ARHGAP15: variants seen among roughly 807,000 people sequenced by gnomAD.
The protein encoded by ARHGAP15 is rho GTPase-activating protein 15.
ARHGAP15 carries 51 observed loss-of-function variants against 63.7 expected under a neutral mutation model. The observed-to-expected ratio is 0.80, with a 90% CI of 0.64 to 1.01. ARHGAP15 has a LOEUF of 1.01. Ranked by LOEUF, ARHGAP15 falls within the 50% of genes least tolerant of loss-of-function variation. ARHGAP15 has a pLI of 0.00. For synonymous variants in ARHGAP15, 191 were observed against 193.8 expected, an observed-to-expected ratio of 0.99 and a Z score of 0.12; for missense variants, 560 against 564.6, an observed-to-expected ratio of 0.99 and a Z score of 0.08.
chr2:143,565,559 A>C (rs917208950), intron 11 of ARHGAP15, among the ~76,000 whole-genome samples: 4 of 152,098 alleles, frequency 2.6e-5, no homozygotes, highest in Non-Finnish European at 4.4e-5. Flanking sequence ...AGCAAAGAAA[A>C]CTCAAGCTAT....
At chr2:143,604,401 A>G (rs1697904043) in intron 11 of ARHGAP15, among the ~76,000 whole-genome samples, 1 of 152,198 alleles carries the variant, frequency 6.6e-6, no homozygotes, top group Admixed American at 6.5e-5. Flanking sequence ...AGTCGTCACA[A>G]TTATTCTAAA....
chr2:143,763,618 TATAA>T (rs769400648), intron 13 of ARHGAP15, among the ~76,000 whole-genome samples: 22 of 144,666 alleles, frequency 1.5e-4, no homozygotes, highest in Non-Finnish European at 2.8e-4. Flanking sequence ...ATTGCATATA[TATAA>T]ATAATAAATT....
chr2:143,429,203 AAAG>A (rs955220345), intron 6 of ARHGAP15, among the ~76,000 whole-genome samples: 5 of 149,272 alleles, frequency 3.3e-5, no homozygotes, highest in Admixed American at 1.4e-4. Flanking sequence ...AACACAATAA[AAAG>A]AATGAACATG....
Position 143,432,177 on chromosome 2 carries a change from T to A in ARHGAP15, c.475-3424T>A, listed in dbSNP as rs945881159. ...CAAATTCTACACAATGAAGTATTAT[T>A]CTTAGAAAAAAGAAGTTCTAAAAAA... On this transcript the variant is annotated intron_variant, in intron 6 of 13. Coordinates refer to ENST00000295095, the MANE Select transcript of ARHGAP15 (RefSeq NM_018460.4). Among the ~76,000 whole-genome samples the A allele has an allele frequency of 3.9e-5, 6 of 152,062 alleles. No individual in the cohort carries two copies. The South Asian group carries it at 6.2e-4, about 16-fold the overall frequency.
chr2:143,584,650 A>G (rs989756680), intron 11 of ARHGAP15, among the ~76,000 whole-genome samples: 1 of 152,098 alleles, frequency 6.6e-6, no homozygotes, highest in African/African-American at 2.4e-5. Flanking sequence ...AACAACAACA[A>G]TATAGAAATA....
chr2:143,492,087 G>T (rs1692605851), intron 9 of ARHGAP15, among the ~76,000 whole-genome samples: 1 of 152,072 alleles, frequency 6.6e-6, no homozygotes, highest in Non-Finnish European at 1.5e-5. Context: ...TCACCATGTT[G>T]CCCAGCCTGG....
intron 6 of ARHGAP15, among the ~76,000 whole-genome samples, chr2:143,256,920 A>G (rs1029022153): frequency 3.3e-5 from 5 of 152,142 alleles, no homozygotes; most frequent in African/African-American, 1.2e-4. Flanking sequence ...AGAAACAGAA[A>G]CAAGAAGATG....
At chr2:143,292,286 TTGC>T (rs1463797888) in intron 6 of ARHGAP15, among the ~76,000 whole-genome samples, 1 of 152,148 alleles carries the variant, frequency 6.6e-6, no homozygotes, top group Non-Finnish European at 1.5e-5. Context: ...TATATAAGTG[TTGC>T]TGCTTTTTTT....
At chr2:143,307,453 A>G (rs1046095436) in intron 6 of ARHGAP15, among the ~76,000 whole-genome samples, 4 of 152,160 alleles carry the variant, frequency 2.6e-5, no homozygotes, top group Non-Finnish European at 5.9e-5. Flanking sequence ...TCATTTGGCA[A>G]TATGGATAAG....
At chr2:143,249,345 A>G (rs1680021320) in intron 5 of ARHGAP15, among the ~76,000 whole-genome samples, 1 of 152,162 alleles carries the variant, frequency 6.6e-6, no homozygotes, top group Non-Finnish European at 1.5e-5. Context: ...GCTTCTGAAA[A>G]AGCCTATTTA....
chr2:143,581,779 C>A (rs982675017), intron 11 of ARHGAP15, among the ~76,000 whole-genome samples: 3 of 152,184 alleles, frequency 2.0e-5, no homozygotes, highest in African/African-American at 7.2e-5. Flanking sequence ...TCCGGCATCT[C>A]CCCCAACTTC....
At chr2:143,249,489 T>TA (rs1680033615) in intron 5 of ARHGAP15, among the ~76,000 whole-genome samples, 2 of 152,142 alleles carry the variant, frequency 1.3e-5, no homozygotes, top group South Asian at 4.1e-4. Flanking sequence ...AAACATTGGC[T>TA]AAAAATATAA....
intron 6 of ARHGAP15, among the ~76,000 whole-genome samples, chr2:143,286,535 G>A (rs554979271): frequency 6.6e-6 from 1 of 152,250 alleles, no homozygotes; most frequent in Non-Finnish European, 1.5e-5. Context: ...GCATGTGAGT[G>A]TGCTCACCCA....
intron 3 of ARHGAP15, among the ~76,000 whole-genome samples, chr2:143,213,705 T>C (rs1426102686): frequency 6.6e-6 from 1 of 152,224 alleles, no homozygotes; most frequent in African/African-American, 2.4e-5. Flanking sequence ...CTTCTTCTAA[T>C]GACCTGGAAG....
intron 13 of ARHGAP15, among the ~76,000 whole-genome samples, chr2:143,755,433 T>G (rs1686542134): frequency 6.6e-6 from 1 of 152,200 alleles, no homozygotes; most frequent in Non-Finnish European, 1.5e-5. Flanking sequence ...TTTACAACAC[T>G]AATTCTTCAT....
chr2:143,152,008 C>G (rs892758465), intron 1 of ARHGAP15, among the ~76,000 whole-genome samples: 2 of 151,892 alleles, frequency 1.3e-5, no homozygotes, highest in African/African-American at 4.8e-5. Context: ...CAATTCATCT[C>G]CATTCTCAAT....
intron 6 of ARHGAP15, among the ~76,000 whole-genome samples, chr2:143,342,381 C>T (rs1004335967): frequency 6.6e-6 from 1 of 152,058 alleles, no homozygotes; most frequent in South Asian, 2.1e-4. Flanking sequence ...AGAAGTGTCT[C>T]GAATAGGAAA....
intron 13 of ARHGAP15, among the ~76,000 whole-genome samples, chr2:143,753,176 C>T (rs1225108754): frequency 6.6e-6 from 1 of 152,164 alleles, no homozygotes; most frequent in African/African-American, 2.4e-5. Flanking sequence ...TATATGTTGA[C>T]AGATCAGTCA....
chr2:143,441,288 C>T, intron 8 of ARHGAP15, among the ~76,000 whole-genome samples: 1 of 152,052 alleles, frequency 6.6e-6, no homozygotes, highest in East Asian at 1.9e-4. Flanking sequence ...TAAGTACGAG[C>T]AGCTGGTCTT....
Sources: allele counts gnomAD v4.1 joint callset (sites outside exome capture counted in the v4.1 genomes callset), GRCh38; gene constraint gnomAD v4.1.1; transcripts MANE v1.5; gene names NCBI Gene and HGNC (gene_info 2026-07-23, HGNC 2026-07-21).